Variants in TSC1 observed in about 807,000 individuals in gnomAD.
TSC1 encodes hamartin.
In TSC1, 20 loss-of-function variants were observed where a neutral mutation model predicts 124.3. The ratio of observed to expected loss-of-function variants is 0.16; its 90% CI spans 0.11 to 0.23. TSC1 has a LOEUF of 0.23. Ranked by LOEUF, TSC1 falls within the 10% of genes least tolerant of loss-of-function variation. The pLI is 1.00. For synonymous variants in TSC1, 493 were observed against 539.1 expected (o/e 0.91, Z 1.19); for missense variants, 1,124 against 1,448.5 (o/e 0.78, Z 3.64).
chr9:132,908,003 C>T (rs1303355911), intron 12 of TSC1, among the ~76,000 whole-genome samples: 1 of 152,166 alleles, frequency 6.6e-6, no homozygotes, highest in East Asian at 1.9e-4. Flanking sequence ...GGGAGGACCA[C>T]CTGAGCCAGG....
chr9:132,909,801 C>T (rs933604559), intron 12 of TSC1: 1 of 152,196 alleles, frequency 6.6e-6, no homozygotes, highest in African/African-American at 2.4e-5. Flanking sequence ...ATACAGAACA[C>T]TCAACTTTTA....
Position 132,935,048 on chromosome 9 carries a change from C to G in TSC1, c.-96G>C, listed in dbSNP as rs1588375369. The G allele has an allele frequency of 7.5e-6, 3 of 399,102 alleles. No individual in the cohort carries two copies. Among genetic ancestry groups the G allele is most frequent in the East Asian group, 3.6e-5 (1 of 28,084 alleles). The allele number at this position is 399,102 out of a possible 1,614,324, so 24.7% of individuals were successfully genotyped here. On this transcript the variant is annotated 5_prime_UTR_variant, in exon 2 of 23. Transcript: ENST00000298552. The stretch of plus-strand genomic sequence containing the variant: ...TATAGCTTACCTGTTCTAGCGACAA[C>G]TGGTACTTCAGTTTCCAGTGCTGTC...
intron 8 of TSC1, among the ~76,000 whole-genome samples, chr9:132,915,147 T>C (rs1483774329): frequency 2.0e-5 from 3 of 151,644 alleles, no homozygotes; most frequent in African/African-American, 7.3e-5. Flanking sequence ...GCTGTACCAC[T>C]GCACTCCAGC....
intron 2 of TSC1, among the ~76,000 whole-genome samples, chr9:132,930,253 T>C (rs1280784456): frequency 6.6e-6 from 1 of 152,132 alleles, no homozygotes; most frequent in African/African-American, 2.4e-5. Flanking sequence ...AGAAACACTA[T>C]GATAAAGAAA....
chr9:132,900,930 T>C lies in TSC1; in HGVS notation c.2503-93A>G, dbSNP rs1216455454. ...CAGGGAATCAGCTAGGAGCACACTA[T>C]TTCAATGTTAAGGCAAAATAAACCA... On this transcript the variant is annotated intron_variant, in intron 19 of 22. Coordinates refer to ENST00000298552, the MANE Select transcript of TSC1 (RefSeq NM_000368.5). 1.9e-6 allele frequency: 3 copies of C among 1,586,794 alleles called. No individual in the cohort carries two copies. The African/African-American group carries it at 4.0e-5, about 21-fold the overall frequency.
intron 8 of TSC1, among the ~76,000 whole-genome samples, chr9:132,916,282 G>T (rs1846268927): frequency 6.6e-6 from 1 of 151,798 alleles, no homozygotes; most frequent in African/African-American, 2.4e-5. Flanking sequence ...GGTACTAAAG[G>T]TTCCTCCCAT....
In TSC1 at chr9:132,895,259, C is replaced by T. The variant is rs950263925; in HGVS notation, c.*976G>A. The T allele has an allele frequency of 4.3e-6, 1 of 233,376 alleles. No individual in the cohort carries two copies. Among genetic ancestry groups the T allele is most frequent in the Non-Finnish European group, 8.5e-6 (1 of 117,862 alleles). 14.5% of individuals were successfully genotyped at this position (233,376 alleles called of 1,614,324 possible). A position where few individuals can be genotyped will look rare whatever the true frequency, so the allele number is the denominator to read the frequency against. ...TTGGACCTTCAGAGCCTTTCTGCTG[C>T]AGTGTCACATATAAGCTGACATGAA... On this transcript the variant is annotated 3_prime_UTR_variant, in exon 23 of 23. Transcript: ENST00000298552.
Position 132,903,136 on chromosome 9 carries a change from C to T in TSC1, c.2209-349G>A, listed in dbSNP as rs116915203. ...TACTGAATGCTTGCAGTGTGCTGGGCGCTCAGCAAGGGCTTACCGACATAA... is the reference window on the plus strand; with the variant it reads ...TACTGAATGCTTGCAGTGTGCTGGGTGCTCAGCAAGGGCTTACCGACATAA... On this transcript the variant is annotated intron_variant, in intron 17 of 22. Transcript: ENST00000298552. The surrounding 1 kb of genome is among the most constrained non-coding windows in gnomAD (Gnocchi z 5.9). Among the ~76,000 whole-genome samples the T allele has an allele frequency of 7.7e-3, 1,175 of 152,258 alleles. 10 individuals carry two copies. Among genetic ancestry groups the T allele is most frequent in the Admixed American group, 0.013 (201 of 15,288 alleles).
At position 132,912,342 on chromosome 9, in the gene TSC1, A is replaced by C. The variant is rs377076733; in HGVS notation, c.853T>G (p.Phe285Val). 1.1e-4 allele frequency: 179 copies of C among 1,614,100 alleles called. No homozygotes were observed. Among genetic ancestry groups the C allele is most frequent in the Non-Finnish European group, 1.5e-4 (173 of 1,180,050 alleles). Residue 285 changes from phenylalanine to valine, a missense_variant, in exon 9 of 23, where the codon TTT (phenylalanine) becomes GTT (valine). Physicochemically the swap from Phe to Val is conservative, Grantham distance 50. Around this residue, in one of 5 missense-constraint regions of TSC1, gnomAD observed 463 missense variants for 606.8 expected, o/e 0.76. Coordinates refer to ENST00000298552, the MANE Select transcript of TSC1 (RefSeq NM_000368.5). ...GTGACATCGGCTGAACGATGAGGAAAGCGGGCTGAGATTTGGTGAGACACA... is the reference window on the plus strand; with the variant it reads ...GTGACATCGGCTGAACGATGAGGAACGCGGGCTGAGATTTGGTGAGACACA... ...YSVSHQISAR[F>V]PHRSADVTTS...
chr9:132,906,960 A>G lies in TSC1; in HGVS notation c.1334-125T>C, dbSNP rs565831083. 3.7e-6 allele frequency: 3 copies of G among 807,088 alleles called. No homozygotes were observed. Among genetic ancestry groups the G allele is most frequent in the Admixed American group, 2.0e-5 (1 of 50,140 alleles). The allele number at this position is 807,088 out of a possible 1,614,324, so 50.0% of individuals were successfully genotyped here. A position where few individuals can be genotyped will look rare whatever the true frequency, so the allele number is the denominator to read the frequency against. Reference sequence around the variant, plus strand: ...TCATGCTGAACAGAGAAGGCTGGACATGGCTCTGTCCTGGGGATACTACAA... The same window carrying G: ...TCATGCTGAACAGAGAAGGCTGGACGTGGCTCTGTCCTGGGGATACTACAA... On this transcript the variant is annotated intron_variant, in intron 13 of 22. Coordinates refer to ENST00000298552, the MANE Select transcript of TSC1 (RefSeq NM_000368.5). This position sits in a 1 kb window ranked among gnomAD's most constrained non-coding sequence, Gnocchi z 4.1.
intron 8 of TSC1, among the ~76,000 whole-genome samples, chr9:132,919,018 A>G (rs1385910663): frequency 1.3e-5 from 2 of 152,242 alleles, no homozygotes; most frequent in Admixed American, 1.3e-4. Context: ...GAAATGCATC[A>G]TTAGGCAATT....
chr9:132,942,410 C>A (rs137932857), intron 1 of TSC1: 5 of 152,244 alleles, frequency 3.3e-5, no homozygotes, highest in African/African-American at 9.6e-5. Context: ...GATCTCGTTT[C>A]CACCAAGTTC....
chr9:132,903,937 C>A lies in TSC1; in HGVS notation c.2042-120G>T, dbSNP rs1305109062. The A allele has an allele frequency of 2.4e-6, 3 of 1,228,608 alleles. No homozygotes were observed. The highest frequency in any genetic ancestry group is 4.9e-5 in the East Asian group (2 of 41,012). The allele number at this position is 1,228,608 out of a possible 1,614,324, so 76.1% of individuals were successfully genotyped here. On this transcript the variant is annotated intron_variant, in intron 16 of 22. Transcript: ENST00000298552. This position sits in a 1 kb window ranked among gnomAD's most constrained non-coding sequence, Gnocchi z 5.9. ...TTCTTTAAAAACAAATCACCACTCTCTTTGCAAATGACCACTTGACTCCCA... is the reference window on the plus strand; with the variant it reads ...TTCTTTAAAAACAAATCACCACTCTATTTGCAAATGACCACTTGACTCCCA...
intron 20 of TSC1, 90 bp from the exon 21 acceptor site, chr9:132,897,700 T>A: frequency 6.6e-7 from 1 of 1,517,772 alleles, no homozygotes; most frequent in Non-Finnish European, 8.8e-7. Flanking sequence ...TAAGAAGGAC[T>A]GAGAAGGCAT....
chr9:132,908,218 A>C (rs1845768540), intron 12 of TSC1, among the ~76,000 whole-genome samples: 1 of 152,254 alleles, frequency 6.6e-6, no homozygotes, highest in Non-Finnish European at 1.5e-5. Context: ...AGCCCATTAC[A>C]AGTTAATGTA....
chr9:132,910,510 T>C (rs1455566337), intron 12 of TSC1, 61 bp downstream of exon 12: 1 of 1,613,548 alleles, frequency 6.2e-7, no homozygotes, highest in Non-Finnish European at 8.5e-7. Context: ...CTTCTCAAAG[T>C]GAGGCTTGCA....
chr9:132,944,841 TC>T (rs1229805842), upstream of TSC1: 113 of 368,484 alleles, frequency 3.1e-4, no homozygotes, highest in East Asian at 4.4e-3. Context: ...GGCGGAAGGA[TC>T]CGAAAGGAGG....
intron 1 of TSC1, chr9:132,943,405 C>G (rs548513111): frequency 6.6e-6 from 1 of 152,322 alleles, no homozygotes; most frequent in East Asian, 1.9e-4. Context: ...CATCCCCCCA[C>G]TTCAACATTA....
Position 132,891,864 on chromosome 9 carries a change from G to A in TSC1, c.*4371C>T. The A allele has an allele frequency of 4.3e-6, 1 of 233,672 alleles. No individual in the cohort carries two copies. The highest frequency in any genetic ancestry group is 8.5e-6 in the Non-Finnish European group (1 of 118,012). The allele number at this position is 233,672 out of a possible 1,614,324, so 14.5% of individuals were successfully genotyped here. A position where few individuals can be genotyped will look rare whatever the true frequency, so the allele number is the denominator to read the frequency against. On this transcript the variant is annotated 3_prime_UTR_variant, in exon 23 of 23. Transcript: ENST00000298552. ...ACCCTCCTGTCCAAACACTGTAAGA[G>A]GTGGGGAAAGGGAGGGAAGGGTTGG...
Sources: gnomAD v4.1 joint callset for allele counts (sites outside exome capture counted in the v4.1 genomes callset) on GRCh38, gnomAD v4.1.1 for gene constraint, gnomAD v4.1.1 regional missense constraint, Gnocchi (gnomAD v3.1) non-coding constraint, MANE v1.5 for transcripts, NCBI Gene and HGNC (gene_info 2026-07-23, HGNC 2026-07-21) for gene names.